Variants in PCGF3 observed in about 807,000 individuals in gnomAD.
PCGF3 encodes the protein polycomb group ring finger 3.
PCGF3 carries 7 observed loss-of-function variants against 33.1 expected under a neutral mutation model. That is an observed-to-expected ratio of 0.21 (90% CI 0.12 to 0.40). The LOEUF (loss-of-function observed/expected upper bound fraction) is 0.40. Among genes scored for constraint, PCGF3 ranks in the 10% least tolerant of loss-of-function variants. The probability of loss-of-function intolerance (pLI) is 1.00; values close to 1 mark genes in which losing one functional copy is unlikely to be tolerated. For missense variants in PCGF3, 211 were observed against 313.3 expected (o/e 0.67, Z 2.46); for synonymous variants, 153 against 121.3 (o/e 1.26, Z -1.72).
At chr4:754,659 G>A (rs4690304) in intron 8 of PCGF3, among the ~76,000 whole-genome samples, 86,506 of 151,802 alleles carry the variant, frequency 0.57, 25,437 homozygotes, top group African/African-American at 0.72. Flanking sequence ...TTGGGGGCCT[G>A]TGGCGAGAAC....
intron 8 of PCGF3, among the ~76,000 whole-genome samples, chr4:752,778 C>T (rs989038635): frequency 4.6e-5 from 7 of 152,368 alleles, no homozygotes; most frequent in Non-Finnish European, 2.9e-5. Context: ...GGGGCCTGCG[C>T]GTGGCTGTGA....
intron 8 of PCGF3, among the ~76,000 whole-genome samples, chr4:748,435 C>A (rs1477694178): frequency 6.6e-6 from 1 of 152,222 alleles, no homozygotes; most frequent in East Asian, 1.9e-4. Context: ...TCTGGCCCGC[C>A]TCAGCCTCCC....
At chr4:756,303 C>A (rs1315153252) in intron 8 of PCGF3, among the ~76,000 whole-genome samples, 2 of 151,586 alleles carry the variant, frequency 1.3e-5, no homozygotes, top group Admixed American at 1.3e-4. Flanking sequence ...ACCTCTACCT[C>A]CCTGGTTGAA....
intron 8 of PCGF3, among the ~76,000 whole-genome samples, chr4:751,984 T>A (rs1744535357): frequency 6.6e-6 from 1 of 152,280 alleles, no homozygotes; most frequent in South Asian, 2.1e-4. Context: ...AGAGGCAAGT[T>A]TAGTCATCGC....
At position 721,539 on chromosome 4, in the gene PCGF3, G is replaced by A. The variant is rs985558608; in HGVS notation, c.-189-9091G>A. Among the ~76,000 whole-genome samples, 1 of 152,048 alleles carries A rather than the reference G, an allele frequency of 6.6e-6. No homozygotes were observed. Among genetic ancestry groups the A allele is most frequent in the South Asian group, 2.1e-4 (1 of 4,834 alleles). Reference sequence around the variant, plus strand: ...GGGAGTCGGTGCCTTAGGAGGCTGCGGGCGAGGCGAGGGCAGAGTGCACTC... The same window carrying A: ...GGGAGTCGGTGCCTTAGGAGGCTGCAGGCGAGGCGAGGGCAGAGTGCACTC... On this transcript the variant is annotated intron_variant, in intron 1 of 10. Coordinates refer to ENST00000362003, the Ensembl canonical transcript of PCGF3. This position sits in a 1 kb window ranked among gnomAD's most constrained non-coding sequence, Gnocchi z 4.1.
chr4:757,884 G>T (rs1164691913), intron 8 of PCGF3: 1 of 152,122 alleles, frequency 6.6e-6, no homozygotes, highest in African/African-American at 2.4e-5. Context: ...GAAATCCAAA[G>T]TTGGCCCGGC....
intron 1 of PCGF3, among the ~76,000 whole-genome samples, chr4:716,322 G>A (rs111637298): frequency 1.6e-4 from 18 of 112,602 alleles, no homozygotes; most frequent in Admixed American, 2.6e-4. Context: ...GGGACCCTGT[G>A]GACACTGCGA....
chr4:717,674 G>A (rs527352612), intron 1 of PCGF3, among the ~76,000 whole-genome samples: 2 of 152,348 alleles, frequency 1.3e-5, no homozygotes, highest in South Asian at 2.1e-4. Flanking sequence ...CACCGCGCCC[G>A]GCTGTGTGTG....
At chr4:735,987 C>A (rs1200669735) in intron 5 of PCGF3, among the ~76,000 whole-genome samples, 1 of 152,172 alleles carries the variant, frequency 6.6e-6, no homozygotes, top group African/African-American at 2.4e-5. Context: ...TCTGAAGACA[C>A]ATTTTGAAGG....
At chr4:708,513 G>A (rs1742430915) in intron 1 of PCGF3, among the ~76,000 whole-genome samples, 1 of 152,174 alleles carries the variant, frequency 6.6e-6, no homozygotes, top group East Asian at 1.9e-4. Flanking sequence ...CACAGCCCCT[G>A]CACATGAACC....
At chr4:740,145 G>A (rs1345564929) in intron 6 of PCGF3, among the ~76,000 whole-genome samples, 1 of 152,244 alleles carries the variant, frequency 6.6e-6, no homozygotes, top group Non-Finnish European at 1.5e-5. Flanking sequence ...CCTGAAACGC[G>A]CGTTAGCTGC....
chr4:714,978 G>C (rs1485225460), intron 1 of PCGF3, among the ~76,000 whole-genome samples: 1 of 151,072 alleles, frequency 6.6e-6, no homozygotes, highest in African/African-American at 2.4e-5. Flanking sequence ...GACGCTGTGA[G>C]TGTGAGAACT....
intron 6 of PCGF3, among the ~76,000 whole-genome samples, chr4:741,469 C>T (rs776745431): frequency 1.3e-5 from 2 of 152,184 alleles, no homozygotes; most frequent in East Asian, 3.9e-4. Context: ...TGCAGTGGCA[C>T]GATCTCAGCT....
chr4:762,162 G>A, intron 9 of PCGF3: 1 of 858,810 alleles, frequency 1.2e-6, no homozygotes, highest in Non-Finnish European at 1.4e-6. Flanking sequence ...CCTGCAAATG[G>A]GATCTTGTTT....
At position 739,928 on chromosome 4, in the gene PCGF3, T is replaced by G. The variant is rs114711105; in HGVS notation, c.262+2407T>G. 4.1e-3 allele frequency among the ~76,000 whole-genome samples: 629 copies of G among 152,388 alleles called. 5 individuals are homozygous for G. The highest frequency in any genetic ancestry group is 0.015 in the African/African-American group (604 of 41,594). On this transcript the variant is annotated intron_variant, in intron 6 of 10. Transcript: ENST00000362003. ...CGCCTCCCTGACCAGCTCCTGTCTC[T>G]GGCCACCATATTTTCCGTTGAGTCA...
At chr4:739,203 T>C (rs1743979621) in intron 6 of PCGF3, among the ~76,000 whole-genome samples, 1 of 152,122 alleles carries the variant, frequency 6.6e-6, no homozygotes, top group Non-Finnish European at 1.5e-5. Context: ...TTGGTTGTTG[T>C]TTATTTCTTT....
At chr4:751,895 G>A (rs760577118) in intron 8 of PCGF3, among the ~76,000 whole-genome samples, 6 of 152,166 alleles carry the variant, frequency 3.9e-5, no homozygotes, top group Non-Finnish European at 5.9e-5. Context: ...AGGCCCCCTC[G>A]CTGCCACCCC....
intron 1 of PCGF3, among the ~76,000 whole-genome samples, chr4:716,411 T>A (rs1438596186): frequency 2.3e-5 from 3 of 132,788 alleles, no homozygotes; most frequent in East Asian, 4.9e-4. Context: ...TGGGACCCTG[T>A]AGACACTGAG....
At chr4:754,198 G>A (rs1053067945) in intron 8 of PCGF3, among the ~76,000 whole-genome samples, 1 of 152,236 alleles carries the variant, frequency 6.6e-6, no homozygotes, top group East Asian at 1.9e-4. Flanking sequence ...GCAGGCTGGG[G>A]GTTCTGGTGT....
Sources: allele counts gnomAD v4.1 joint callset (sites outside exome capture counted in the v4.1 genomes callset), GRCh38; gene constraint gnomAD v4.1.1; non-coding constraint Gnocchi (gnomAD v3.1); transcripts MANE v1.5; gene names NCBI Gene and HGNC (gene_info 2026-07-23, HGNC 2026-07-21).